The following NUDCD1 variants were observed in gnomAD, a reference collection of about 807,000 sequenced individuals.
The protein encoded by NUDCD1 is NudC domain containing 1.
A neutral mutation model predicts 67.8 loss-of-function variants in NUDCD1; 60 were observed. The ratio of observed to expected loss-of-function variants is 0.88; its 90% CI spans 0.72 to 1.10. NUDCD1 has a LOEUF of 1.10. Among genes scored for constraint, NUDCD1 ranks in the 50% least tolerant of loss-of-function variants. The pLI is 0.00. For synonymous variants in NUDCD1, 244 were observed against 230.8 expected (o/e 1.06, Z -0.52); for missense variants, 643 against 695.0 (o/e 0.93, Z 0.84).
intron 2 of NUDCD1, among the ~76,000 whole-genome samples, chr8:109,318,876 C>T (rs536371447): frequency 6.6e-6 from 1 of 152,152 alleles, no homozygotes; most frequent in Admixed American, 6.5e-5. Flanking sequence ...ACTGATCAAG[C>T]CTTCTGCTGG....
At chr8:109,286,231 AAAAC>A in intron 5 of NUDCD1, among the ~76,000 whole-genome samples, 1 of 152,200 alleles carries the variant, frequency 6.6e-6, no homozygotes, top group Non-Finnish European at 1.5e-5. Flanking sequence ...CATACTGCTC[AAAAC>A]AAACTACAGA....
chr8:109,249,872 GTCTCAC>G (rs1813583791), intron 8 of NUDCD1, among the ~76,000 whole-genome samples: 1 of 149,372 alleles, frequency 6.7e-6, no homozygotes, highest in African/African-American at 2.5e-5. Flanking sequence ...TTGAGATGGG[GTCTCAC>G]TCTGTCACCC....
chr8:109,281,634 T>G (rs1306955487), intron 5 of NUDCD1, among the ~76,000 whole-genome samples: 1 of 152,098 alleles, frequency 6.6e-6, no homozygotes, highest in African/African-American at 2.4e-5. Flanking sequence ...ATGTGCAAAA[T>G]CACATGCACT....
At chr8:109,294,706 G>A (rs1347628083) in intron 3 of NUDCD1, among the ~76,000 whole-genome samples, 1 of 152,042 alleles carries the variant, frequency 6.6e-6, no homozygotes, top group African/African-American at 2.4e-5. Flanking sequence ...CATCTAAACT[G>A]TGATACCGTT....
intron 2 of NUDCD1, among the ~76,000 whole-genome samples, chr8:109,306,907 C>A (rs1032931088): frequency 5.3e-5 from 8 of 152,272 alleles, no homozygotes; most frequent in African/African-American, 1.9e-4. Flanking sequence ...TGCCCCTAAT[C>A]CCTCTCGAAG....
chr8:109,303,798 C>T (rs1420194955), intron 2 of NUDCD1, among the ~76,000 whole-genome samples: 1 of 152,160 alleles, frequency 6.6e-6, no homozygotes, highest in African/African-American at 2.4e-5. Context: ...ATGCCAATAT[C>T]CCATCCTACA....
chr8:109,330,202 C>T (rs932989570), intron 1 of NUDCD1, among the ~76,000 whole-genome samples: 23 of 152,114 alleles, frequency 1.5e-4, no homozygotes, highest in African/African-American at 5.6e-4. Flanking sequence ...TTTTTTGTTT[C>T]GTTCTTTGGA....
intron 2 of NUDCD1, among the ~76,000 whole-genome samples, chr8:109,301,038 A>G (rs537430849): frequency 6.6e-6 from 1 of 152,346 alleles, no homozygotes; most frequent in East Asian, 1.9e-4. Flanking sequence ...TCTTCTTCAG[A>G]CAAACAAATG....
intron 2 of NUDCD1, among the ~76,000 whole-genome samples, chr8:109,299,547 C>T (rs548450699): frequency 6.6e-6 from 1 of 152,276 alleles, no homozygotes; most frequent in South Asian, 2.1e-4. Flanking sequence ...AGGAACATAA[C>T]TCCATTGACC....
intron 5 of NUDCD1, among the ~76,000 whole-genome samples, chr8:109,284,277 C>G (rs1814524401): frequency 6.6e-6 from 1 of 152,106 alleles, no homozygotes; most frequent in African/African-American, 2.4e-5. Context: ...TTGGAGCACC[C>G]TGATACATAA....
rs878959414 is a variant in NUDCD1, at chr8:109,322,255, A to G, written c.273+54T>C. On this transcript the variant is annotated intron_variant, in intron 2 of 9. Coordinates refer to ENST00000239690, the MANE Select transcript of NUDCD1 (RefSeq NM_032869.4). ...ATTCAAAAGGGAAACTTAATTATCA[A>G]ATTTGCTTGATATTACATACATATA... 1.2e-4 allele frequency: 109 copies of G among 946,296 alleles called. No individual in the cohort carries two copies. The East Asian group carries it at 1.9e-3, about 16-fold the overall frequency. The allele number at this position is 946,296 out of a possible 1,614,324, so 58.6% of individuals were successfully genotyped here. A position where few individuals can be genotyped will look rare whatever the true frequency, so the allele number is the denominator to read the frequency against.
rs1814267497 is a variant in NUDCD1, at chr8:109,275,589, G to A, written c.1029-93C>T. The A allele has an allele frequency of 3.3e-5, 40 of 1,209,244 alleles. No individual in the cohort carries two copies. The South Asian group carries it at 5.9e-4, about 18-fold the overall frequency. 74.9% of individuals were successfully genotyped at this position (1,209,244 alleles called of 1,614,324 possible). ...ACATTGTTTGTTTCTATCTTCTATAGAAAGAACCCTCCGGTGTCCAGAGGA... is the reference window on the plus strand; with the variant it reads ...ACATTGTTTGTTTCTATCTTCTATAAAAAGAACCCTCCGGTGTCCAGAGGA... On this transcript the variant is annotated intron_variant, in intron 6 of 9. Transcript: ENST00000239690.
intron 7 of NUDCD1, 102 bp downstream of exon 7, chr8:109,275,250 T>C (rs1036038494): frequency 9.1e-7 from 1 of 1,102,652 alleles, no homozygotes; most frequent in Non-Finnish European, 1.3e-6. Context: ...ATGTATCTTT[T>C]ATATTAGGAA....
chr8:109,333,605 A>G (rs899182951), intron 1 of NUDCD1, among the ~76,000 whole-genome samples: 1 of 152,126 alleles, frequency 6.6e-6, no homozygotes, highest in Non-Finnish European at 1.5e-5. Flanking sequence ...CACAGCAGCC[A>G]GAGCCCCAGG....
intron 8 of NUDCD1, among the ~76,000 whole-genome samples, chr8:109,263,913 A>G (rs912673302): frequency 1.3e-5 from 2 of 152,238 alleles, no homozygotes; most frequent in Non-Finnish European, 2.9e-5. Flanking sequence ...AATTACTTGA[A>G]GTTGCTACAT....
chr8:109,258,492 C>T (rs1225133219), intron 8 of NUDCD1, among the ~76,000 whole-genome samples: 1 of 151,788 alleles, frequency 6.6e-6, no homozygotes, highest in African/African-American at 2.4e-5. Flanking sequence ...GGCAGTCTCC[C>T]TAGGAAAAGG....
intron 6 of NUDCD1, among the ~76,000 whole-genome samples, chr8:109,280,703 T>C (rs1266514075): frequency 6.6e-6 from 1 of 152,192 alleles, no homozygotes; most frequent in Non-Finnish European, 1.5e-5. Context: ...AAAATAGCCA[T>C]TTTCACCTAT....
intron 1 of NUDCD1, among the ~76,000 whole-genome samples, chr8:109,330,637 A>G (rs917458211): frequency 2.0e-5 from 3 of 151,916 alleles, no homozygotes; most frequent in African/African-American, 4.8e-5. Context: ...AAGCTTTTCA[A>G]CTCCCGTATC....
chr8:109,287,715 A>G (rs1814608362), intron 5 of NUDCD1, among the ~76,000 whole-genome samples: 1 of 152,156 alleles, frequency 6.6e-6, no homozygotes, highest in Admixed American at 6.5e-5. Context: ...TTCGTACTCC[A>G]AATCTAAGCA....
Sources: gnomAD v4.1 joint callset for allele counts (sites outside exome capture counted in the v4.1 genomes callset) on GRCh38, gnomAD v4.1.1 for gene constraint, MANE v1.5 for transcripts, NCBI Gene and HGNC (gene_info 2026-07-23, HGNC 2026-07-21) for gene names.